Variants in TUBGCP4 observed in about 807,000 individuals in gnomAD.
The protein encoded by TUBGCP4 is gamma-tubulin complex component 4.
TUBGCP4 carries 54 observed loss-of-function variants against 91.6 expected under a neutral mutation model. The observed-to-expected ratio is 0.59, with a 90% CI of 0.47 to 0.74. TUBGCP4 has a LOEUF of 0.74. Ranked by LOEUF, TUBGCP4 falls within the 30% of genes least tolerant of loss-of-function variation. The pLI is 0.00. For missense variants in TUBGCP4, 593 were observed against 800.9 expected, an observed-to-expected ratio of 0.74 and a Z score of 3.13; for synonymous variants, 297 against 302.8, an observed-to-expected ratio of 0.98 and a Z score of 0.20.
rs1162406246 is a variant in TUBGCP4, at chr15:43,408,040, T to C, written c.*2826T>C. 2.5e-6 allele frequency: 4 copies of C among 1,614,050 alleles called. No individual in the cohort carries two copies. The Admixed American group carries it at 6.7e-5, about 27-fold the overall frequency. On this transcript the variant is annotated 3_prime_UTR_variant, in exon 18 of 18. Transcript: ENST00000564079. ...GCTCCAGGAAGTTCTGCTGTTGGTC[T>C]GATACCAAGAGTACCTTCAGATTCT...
rs368795418 is a variant in TUBGCP4, at chr15:43,394,680, G to A, written c.1015-427G>A. On this transcript the variant is annotated intron_variant, in intron 9 of 17. Transcript: ENST00000564079. ...AGCAGTTTCTCATGAATGGTTTAGC[G>A]CCATTCCCCTTGGTACTGTCCTCAC... 6.1e-5 allele frequency: 10 copies of A among 164,446 alleles called. 1 individual carries two copies. In the East Asian group the frequency reaches 1.1e-3, roughly 17 times the overall value. The allele number at this position is 164,446 out of a possible 1,614,324, so 10.2% of individuals were successfully genotyped here. A position where few individuals can be genotyped will look rare whatever the true frequency, so the allele number is the denominator to read the frequency against.
chr15:43,398,382 TAAAA>T (rs3038777), intron 13 of TUBGCP4: 179 of 277,022 alleles, frequency 6.5e-4, no homozygotes, highest in East Asian at 2.2e-3. Flanking sequence ...CCCCATCTCA[TAAAA>T]AAAAAAAAAA....
chr15:43,398,573 T>A (rs1285829255), intron 13 of TUBGCP4, among the ~76,000 whole-genome samples: 1 of 152,174 alleles, frequency 6.6e-6, no homozygotes, highest in African/African-American at 2.4e-5. Flanking sequence ...ATCATTTTTT[T>A]AAATTGCCAA....
chr15:43,389,739 A>G (rs901266857), intron 9 of TUBGCP4, among the ~76,000 whole-genome samples: 1 of 152,130 alleles, frequency 6.6e-6, no homozygotes, highest in Non-Finnish European at 1.5e-5. Context: ...AAGACTGGGT[A>G]ATTTATAAAG....
In TUBGCP4 at chr15:43,380,070, C is replaced by A; in HGVS notation, c.442-14C>A. 2 of 1,613,518 alleles carry A rather than the reference C, an allele frequency of 1.2e-6. No homozygotes were observed. Among genetic ancestry groups the A allele is most frequent in the Non-Finnish European group, 1.7e-6 (2 of 1,179,474 alleles). On this transcript the variant is annotated splice_polypyrimidine_tract_variant and intron_variant, in intron 5 of 17. Coordinates refer to ENST00000564079, the MANE Select transcript of TUBGCP4 (RefSeq NM_014444.5). ...AGAATGGAATCCAGTTTGACAAGGCCGTATTTTCCACAGATTCATGGTTGT... is the reference window on the plus strand; with the variant it reads ...AGAATGGAATCCAGTTTGACAAGGCAGTATTTTCCACAGATTCATGGTTGT...
intron 6 of TUBGCP4, among the ~76,000 whole-genome samples, chr15:43,380,506 A>G (rs2044270996): frequency 6.6e-6 from 1 of 152,216 alleles, no homozygotes; most frequent in Admixed American, 6.5e-5. Flanking sequence ...AGTAGCTGGT[A>G]TTTTCAAATT....
At chr15:43,383,862 G>A (rs985517921) in intron 7 of TUBGCP4, among the ~76,000 whole-genome samples, 1 of 151,798 alleles carries the variant, frequency 6.6e-6, no homozygotes, top group East Asian at 1.9e-4. Context: ...GTGCGATGGC[G>A]CAATCTTGGC....
At chr15:43,373,402 T>C (rs568203936) in intron 1 of TUBGCP4, among the ~76,000 whole-genome samples, 3 of 152,242 alleles carry the variant, frequency 2.0e-5, no homozygotes, top group Non-Finnish European at 4.4e-5. Context: ...TAGTATCACT[T>C]GATAACTGGT....
In TUBGCP4 at chr15:43,409,198, A is replaced by G. The variant is rs1330165843; in HGVS notation, c.*3984A>G. On this transcript the variant is annotated 3_prime_UTR_variant, in exon 18 of 18. Transcript: ENST00000564079. ...TGAAGAGCAGATCTGAAGACTCCCA[A>G]CTACTACCCAAAATGTGATTTAGTC... 7.8e-5 allele frequency: 80 copies of G among 1,026,104 alleles called. No individual in the cohort carries two copies. The highest frequency in any genetic ancestry group is 1.1e-4 in the Non-Finnish European group (76 of 678,572). 63.6% of individuals were successfully genotyped at this position (1,026,104 alleles called of 1,614,324 possible).
chr15:43,398,793 G>A (rs942779192), intron 13 of TUBGCP4, among the ~76,000 whole-genome samples: 3 of 152,254 alleles, frequency 2.0e-5, no homozygotes, highest in African/African-American at 7.2e-5. Flanking sequence ...ACAAAATCCT[G>A]TGTCCTCATT....
intron 7 of TUBGCP4, among the ~76,000 whole-genome samples, chr15:43,384,065 C>T (rs1033836281): frequency 3.9e-5 from 6 of 152,160 alleles, no homozygotes; most frequent in African/African-American, 1.2e-4. Context: ...CCACCCGCCT[C>T]GGCCTGTAAG....
Position 43,407,520 on chromosome 15 carries a change from C to T in TUBGCP4, c.*2306C>T, listed in dbSNP as rs1168976570. On this transcript the variant is annotated 3_prime_UTR_variant, in exon 18 of 18. Transcript: ENST00000564079. ...GCTTCAGCACACTTCAGCACCGAGG[C>T]TGGGCATGAGGGGTCCGTCACCACC... The T allele has an allele frequency of 6.2e-7, 1 of 1,614,096 alleles. No individual in the cohort carries two copies. Among genetic ancestry groups the T allele is most frequent in the Non-Finnish European group, 8.5e-7 (1 of 1,180,048 alleles).
intron 7 of TUBGCP4, among the ~76,000 whole-genome samples, chr15:43,384,741 T>C (rs570463891): frequency 1.3e-5 from 2 of 152,306 alleles, no homozygotes; most frequent in East Asian, 3.9e-4. Flanking sequence ...TTGGGGGCTA[T>C]TGAATTTTAA....
intron 1 of TUBGCP4, among the ~76,000 whole-genome samples, chr15:43,374,444 A>C (rs944524309): frequency 2.6e-5 from 4 of 152,080 alleles, no homozygotes; most frequent in Non-Finnish European, 5.9e-5. Context: ...CTCCATCTCT[A>C]CAAAAAAAAA....
At chr15:43,395,296 C>G in intron 10 of TUBGCP4, 139 bp downstream of exon 10, 2 of 924,426 alleles carry the variant, frequency 2.2e-6, no homozygotes, top group Non-Finnish European at 3.5e-6. Flanking sequence ...AGTGAGCAAA[C>G]TATACCTAAT....
At chr15:43,385,979 T>C in intron 8 of TUBGCP4, 23 bp downstream of exon 8, 1 of 1,612,008 alleles carries the variant, frequency 6.2e-7, no homozygotes, top group South Asian at 1.1e-5. Context: ...TTGTCCAATG[T>C]ACCACACCCT....
chr15:43,376,776 A>C, intron 3 of TUBGCP4, 151 bp downstream of exon 3: 1 of 1,171,256 alleles, frequency 8.5e-7, no homozygotes, highest in Non-Finnish European at 1.2e-6. Flanking sequence ...TGATTGCCCA[A>C]CCTGTGATCA....
At chr15:43,403,347 CAA>C (rs933016250) in intron 15 of TUBGCP4, 2 of 190,054 alleles carry the variant, frequency 1.1e-5, no homozygotes, top group African/African-American at 4.7e-5. Flanking sequence ...GTATTAAAAA[CAA>C]GAGCATCCCG....
chr15:43,386,534 G>C (rs1254270748), intron 9 of TUBGCP4, among the ~76,000 whole-genome samples: 1 of 148,232 alleles, frequency 6.7e-6, no homozygotes, highest in Admixed American at 6.7e-5. Context: ...AGACCAGCCC[G>C]GCCAACATGG....
Sources: gnomAD v4.1 joint callset for allele counts (sites outside exome capture counted in the v4.1 genomes callset) on GRCh38, gnomAD v4.1.1 for gene constraint, MANE v1.5 for transcripts, NCBI Gene and HGNC (gene_info 2026-07-23, HGNC 2026-07-21) for gene names.